The following MTSS1 variants were observed in gnomAD, a reference collection of about 807,000 sequenced individuals.
The protein encoded by MTSS1 is protein MTSS 1.
In MTSS1, 18 loss-of-function variants were observed where a neutral mutation model predicts 79.0. That is an observed-to-expected ratio of 0.23 (90% CI 0.16 to 0.34). The LOEUF (loss-of-function observed/expected upper bound fraction) is 0.34, where lower values mean the gene tolerates loss of function less well. MTSS1 is among the 10% of genes least tolerant of loss of function. The probability of loss-of-function intolerance (pLI) is 1.00; values close to 1 mark genes in which losing one functional copy is unlikely to be tolerated. For missense variants in MTSS1, 815 were observed against 986.2 expected (o/e 0.83, Z 2.33); for synonymous variants, 341 against 368.6 (o/e 0.93, Z 0.86).
chr8:124,727,798 GGTGCCC>G lies in MTSS1; in HGVS notation c.72+80_72+85del. On this transcript the variant is annotated intron_variant, in intron 1 of 13. Coordinates refer to ENST00000518547, the MANE Select transcript of MTSS1 (RefSeq NM_014751.6). This position sits in a 1 kb window ranked among gnomAD's most constrained non-coding sequence, Gnocchi z 4.7. ...GTGGCCACACTGCAGGGAAGGGCCG[GGTGCCC>G]GGCCCGGGGTGGAGGCGAAGCGCGG... 1 of 1,229,030 alleles carries G rather than the reference GGTGCCC, an allele frequency of 8.1e-7. No individual in the cohort carries two copies. The highest frequency in any genetic ancestry group is 1.1e-6 in the Non-Finnish European group (1 of 923,784). The allele number at this position is 1,229,030 out of a possible 1,614,324, so 76.1% of individuals were successfully genotyped here.
At chr8:124,656,033 T>C (rs1563941992) in intron 3 of MTSS1, among the ~76,000 whole-genome samples, 1 of 152,196 alleles carries the variant, frequency 6.6e-6, no homozygotes, top group African/African-American at 2.4e-5. Flanking sequence ...TGGAATGATA[T>C]AATCAGAAGG....
At chr8:124,666,300 G>C (rs1178996627) in intron 3 of MTSS1, among the ~76,000 whole-genome samples, 1 of 152,222 alleles carries the variant, frequency 6.6e-6, no homozygotes. Context: ...AAGGCACTGT[G>C]CTCAGGAACA....
At position 124,551,151 on chromosome 8, in the gene MTSS1, A is replaced by G. The variant is rs1487946156; in HGVS notation, c.*1841T>C. The G allele has an allele frequency of 6.6e-6, 1 of 152,616 alleles. No homozygotes were observed. The highest frequency in any genetic ancestry group is 1.5e-5 in the Non-Finnish European group (1 of 68,032). The allele number at this position is 152,616 out of a possible 1,614,324, so 9.5% of individuals were successfully genotyped here. Reference sequence around the variant, plus strand: ...GGTACAGTTACATCCATTTATTTCAAAGGTTTAAAATACCACTTTTATCTA... The same window carrying G: ...GGTACAGTTACATCCATTTATTTCAGAGGTTTAAAATACCACTTTTATCTA... On this transcript the variant is annotated 3_prime_UTR_variant, in exon 14 of 14. Transcript: ENST00000518547.
intron 1 of MTSS1, among the ~76,000 whole-genome samples, chr8:124,719,822 T>A (rs1241496528): frequency 6.6e-6 from 1 of 152,216 alleles, no homozygotes; most frequent in Non-Finnish European, 1.5e-5. Context: ...TATTTAGCAC[T>A]TATTTCATGC....
At chr8:124,584,137 A>C (rs967942305) in intron 6 of MTSS1, among the ~76,000 whole-genome samples, 1 of 152,194 alleles carries the variant, frequency 6.6e-6, no homozygotes, top group Admixed American at 6.5e-5. Context: ...CCCACTACAC[A>C]CCACCCTCCA....
intron 3 of MTSS1, among the ~76,000 whole-genome samples, chr8:124,602,822 G>A (rs1834164435): frequency 6.6e-6 from 1 of 152,180 alleles, no homozygotes; most frequent in African/African-American, 2.4e-5. Flanking sequence ...AAAGGACAGT[G>A]TTCCTGTAGT....
At chr8:124,658,406 C>T (rs1287818057) in intron 3 of MTSS1, among the ~76,000 whole-genome samples, 1 of 152,182 alleles carries the variant, frequency 6.6e-6, no homozygotes, top group Admixed American at 6.5e-5. Context: ...GATTGTGAGG[C>T]CTCCCCAGCC....
chr8:124,629,289 C>T lies in MTSS1; in HGVS notation c.209-38054G>A, dbSNP rs557185471. Among the ~76,000 whole-genome samples the T allele has an allele frequency of 5.3e-5, 8 of 151,564 alleles. No individual in the cohort carries two copies. The East Asian group carries it at 9.7e-4, about 18-fold the overall frequency. On this transcript the variant is annotated intron_variant, in intron 3 of 13. Transcript: ENST00000518547. ...CAGCACTTTGGGAGGCTGAGGCGGG[C>T]GGATCACAAGGTCAGGAGATGGAGA...
chr8:124,580,451 A>G (rs2132419426), intron 6 of MTSS1: 1 of 1,345,846 alleles, frequency 7.4e-7, no homozygotes, highest in Non-Finnish European at 1.0e-6. Context: ...GAGCTGGTAG[A>G]AAAACCTGGG....
At chr8:124,725,728 A>T (rs1330212678) in intron 1 of MTSS1, among the ~76,000 whole-genome samples, 1 of 152,238 alleles carries the variant, frequency 6.6e-6, no homozygotes, top group African/African-American at 2.4e-5. Flanking sequence ...TGCTTATCAG[A>T]TCTGTTCAAA....
intron 3 of MTSS1, among the ~76,000 whole-genome samples, chr8:124,627,818 G>A (rs973786473): frequency 1.6e-4 from 25 of 152,224 alleles, no homozygotes; most frequent in African/African-American, 4.8e-4. Context: ...TGTGAACTGC[G>A]CTTTAGAAAG....
intron 3 of MTSS1, among the ~76,000 whole-genome samples, chr8:124,612,029 C>G (rs1181399552): frequency 6.6e-6 from 1 of 152,246 alleles, no homozygotes; most frequent in East Asian, 1.9e-4. Context: ...GAACCCAGCA[C>G]TCATTTGGGG....
At chr8:124,706,599 G>A (rs763361881) in intron 1 of MTSS1, among the ~76,000 whole-genome samples, 4 of 152,216 alleles carry the variant, frequency 2.6e-5, no homozygotes, top group Non-Finnish European at 5.9e-5. Context: ...AGCAACAGCC[G>A]GGCAAGAATC....
In MTSS1 at chr8:124,552,992, C is replaced by A; in HGVS notation, c.2268G>T (p.Ter756TyrextTer10). 6.2e-7 allele frequency: 1 copy of A among 1,609,876 alleles called. No individual in the cohort carries two copies. The highest frequency in any genetic ancestry group is 8.5e-7 in the Non-Finnish European group (1 of 1,176,584). ...TNDRSAPRFS* is the reference protein window; with the variant it reads ...TNDRSAPRFSY The stretch of plus-strand genomic sequence containing the variant: ...CCCCACCGGCGCATTTCTTGTGAAC[C>A]TAAGAAAAGCGAGGGGCTGAGCGAT... The change falls in exon 14 of 14, where the codon TAG becomes TAT. Residue 756 changes from the stop codon to tyrosine, a stop_lost. Transcript: ENST00000518547.
chr8:124,588,368 A>T (rs1439587938), intron 5 of MTSS1, among the ~76,000 whole-genome samples: 1 of 152,186 alleles, frequency 6.6e-6, no homozygotes, highest in African/African-American at 2.4e-5. Flanking sequence ...TGTAGCCCCC[A>T]TAGCGCCTAG....
chr8:124,721,481 C>T (rs1272777681), intron 1 of MTSS1, among the ~76,000 whole-genome samples: 1 of 145,392 alleles, frequency 6.9e-6, no homozygotes, highest in African/African-American at 2.5e-5. Flanking sequence ...GTGATCTCAG[C>T]TCATTGCAAC....
At chr8:124,695,904 T>C (rs918682318) in intron 3 of MTSS1, among the ~76,000 whole-genome samples, 6 of 151,566 alleles carry the variant, frequency 4.0e-5, no homozygotes, top group African/African-American at 1.5e-4. Context: ...TGTTTATATA[T>C]GCAAAAACAT....
intron 1 of MTSS1, among the ~76,000 whole-genome samples, chr8:124,710,327 T>G (rs892201778): frequency 3.9e-5 from 6 of 152,206 alleles, no homozygotes; most frequent in Non-Finnish European, 8.8e-5. Context: ...CTGGCATCAC[T>G]CTAGTTCCTG....
intron 1 of MTSS1, among the ~76,000 whole-genome samples, chr8:124,720,876 C>T (rs1022007973): frequency 5.9e-5 from 9 of 152,190 alleles, no homozygotes; most frequent in Admixed American, 2.6e-4. Flanking sequence ...AGCAATGTTT[C>T]ACTTCAGAAT....
Sources: gnomAD v4.1 joint callset for allele counts (sites outside exome capture counted in the v4.1 genomes callset) on GRCh38, gnomAD v4.1.1 for gene constraint, Gnocchi (gnomAD v3.1) non-coding constraint, MANE v1.5 for transcripts, NCBI Gene and HGNC (gene_info 2026-07-23, HGNC 2026-07-21) for gene names.